The following MXI1 variants were observed in gnomAD, a reference collection of about 807,000 sequenced individuals.
MXI1 encodes MAX interactor 1, dimerization protein.
A neutral mutation model predicts 36.9 loss-of-function variants in MXI1; 18 were observed. That is an observed-to-expected ratio of 0.49 (90% CI 0.34 to 0.72). The LOEUF is 0.72. Ranked by LOEUF, MXI1 falls within the 30% of genes least tolerant of loss-of-function variation. The pLI is 0.01. For synonymous variants in MXI1, 160 were observed against 146.7 expected (o/e 1.09, Z -0.65); for missense variants, 304 against 379.1 (o/e 0.80, Z 1.64).
intron 3 of MXI1, among the ~76,000 whole-genome samples, chr10:110,268,602 G>T (rs1427178389): frequency 6.6e-6 from 1 of 152,098 alleles, no homozygotes; most frequent in Non-Finnish European, 1.5e-5. Context: ...ACCTAAAAGT[G>T]CTAATCTGTA....
chr10:110,255,833 T>C (rs1204733748), intron 3 of MXI1, among the ~76,000 whole-genome samples: 1 of 152,108 alleles, frequency 6.6e-6, no homozygotes, highest in Non-Finnish European at 1.5e-5. Flanking sequence ...ATATAATTCA[T>C]GTGAAAATGC....
At chr10:110,226,030 G>A (rs983126424) in intron 1 of MXI1, 3 of 951,012 alleles carry the variant, frequency 3.2e-6, no homozygotes, top group Non-Finnish European at 3.7e-6. Flanking sequence ...GCGGCACGGC[G>A]GGCGCGGCTG....
intron 3 of MXI1, among the ~76,000 whole-genome samples, chr10:110,255,934 T>A (rs1856273493): frequency 6.6e-6 from 1 of 152,192 alleles, no homozygotes; most frequent in Non-Finnish European, 1.5e-5. Context: ...AAAACTATAG[T>A]AATCAAGGCA....
At chr10:110,263,994 T>C (rs1856603560) in intron 3 of MXI1, among the ~76,000 whole-genome samples, 2 of 152,198 alleles carry the variant, frequency 1.3e-5, no homozygotes. Context: ...TAAATTTCCA[T>C]ACATGCTGCT....
At chr10:110,216,546 T>A (rs796402007) in intron 1 of MXI1, among the ~76,000 whole-genome samples, 4 of 152,254 alleles carry the variant, frequency 2.6e-5, no homozygotes, top group African/African-American at 7.2e-5. Flanking sequence ...CAGGATGGCA[T>A]TTGACTTGAG....
intron 1 of MXI1, chr10:110,227,631 A>C: frequency 9.5e-6 from 8 of 842,970 alleles, no homozygotes; most frequent in South Asian, 5.3e-5. Flanking sequence ...GCGGGGGAAA[A>C]CCGGTGGAGA....
Position 110,207,855 on chromosome 10 carries a change from C to G in MXI1, c.47C>G (p.Ala16Gly), listed in dbSNP as rs1026657935. The change falls in exon 1 of 6, where the codon GCG (alanine) becomes GGG (glycine). Residue 16 changes from alanine (A) to glycine (G), a missense_variant. Ala to Gly is a moderately conservative substitution (Grantham distance 60). This residue lies in a region of MXI1 where 179 missense variants were observed against 184.8 expected (regional missense o/e 0.97). Transcript: ENST00000332674. ...CGCAAGGAGGCGCGCTGCGAGGGCG[C>G]GGGGCTGGCCCCCGCCGCGCCCCCG... is the stretch of plus-strand genomic sequence containing the variant. ...RPRKEARCEG[A>G]GLAPAAPPAV... 1 of 1,158,676 alleles carries G rather than the reference C, an allele frequency of 8.6e-7. No homozygotes were observed. Among genetic ancestry groups the G allele is most frequent in the Non-Finnish European group, 1.1e-6 (1 of 941,044 alleles). 71.8% of individuals were successfully genotyped at this position (1,158,676 alleles called of 1,614,324 possible). A position where few individuals can be genotyped will look rare whatever the true frequency, so the allele number is the denominator to read the frequency against.
At chr10:110,257,777 G>A (rs549958872) in intron 3 of MXI1, 7 of 323,492 alleles carry the variant, frequency 2.2e-5, no homozygotes, top group South Asian at 1.4e-4. Flanking sequence ...CCAGAGACGC[G>A]TACTTTATAA....
chr10:110,216,773 C>G (rs1427461127), intron 1 of MXI1, among the ~76,000 whole-genome samples: 1 of 147,074 alleles, frequency 6.8e-6, no homozygotes, highest in Non-Finnish European at 1.5e-5. Context: ...CTCAAGTGAT[C>G]CTCCTGCCTC....
At chr10:110,272,190 A>G (rs955071534) in intron 3 of MXI1, among the ~76,000 whole-genome samples, 2 of 152,236 alleles carry the variant, frequency 1.3e-5, no homozygotes, top group East Asian at 1.9e-4. Flanking sequence ...GAGTGTCAAC[A>G]TGACTCTCAA....
chr10:110,267,811 A>G (rs1002830750), intron 3 of MXI1, among the ~76,000 whole-genome samples: 81 of 152,306 alleles, frequency 5.3e-4, no homozygotes, highest in African/African-American at 1.9e-3. Flanking sequence ...TGAATGAGGG[A>G]GCATGGGTTT....
At chr10:110,252,429 G>A (rs961710428) in intron 3 of MXI1, among the ~76,000 whole-genome samples, 5 of 152,012 alleles carry the variant, frequency 3.3e-5, no homozygotes, top group African/African-American at 9.7e-5. Context: ...TAAACACAGC[G>A]TGATCATTTC....
chr10:110,213,896 A>C (rs1402240847), intron 1 of MXI1, among the ~76,000 whole-genome samples: 1 of 152,264 alleles, frequency 6.6e-6, no homozygotes, highest in Non-Finnish European at 1.5e-5. Flanking sequence ...TGTATGGCAT[A>C]ATATCAATAA....
In MXI1 at chr10:110,279,348, T is replaced by C. The variant is rs1857152523; in HGVS notation, c.552+54T>C. 3.6e-6 allele frequency: 5 copies of C among 1,406,282 alleles called. No homozygotes were observed. In the African/African-American group the frequency reaches 5.7e-5, roughly 16 times the overall value. 87.1% of individuals were successfully genotyped at this position (1,406,282 alleles called of 1,614,324 possible). Reference sequence around the variant, plus strand: ...AATTCCCTCAGTTCTGGTTTAATTATTGGCACTGATTCCTATTCATATACA... The same window carrying C: ...AATTCCCTCAGTTCTGGTTTAATTACTGGCACTGATTCCTATTCATATACA... On this transcript the variant is annotated intron_variant, in intron 4 of 5. Transcript: ENST00000332674.
chr10:110,229,130 C>T (rs1186913888), intron 2 of MXI1, among the ~76,000 whole-genome samples: 2 of 152,196 alleles, frequency 1.3e-5, no homozygotes, highest in Non-Finnish European at 2.9e-5. Context: ...ATGTGGCTAT[C>T]TCTTCGGTGT....
intron 1 of MXI1, among the ~76,000 whole-genome samples, chr10:110,208,906 G>A (rs552735924): frequency 2.0e-5 from 3 of 152,272 alleles, no homozygotes; most frequent in South Asian, 4.1e-4. Flanking sequence ...GGGCTGTTCT[G>A]TGCTTTTTCT....
intron 1 of MXI1, among the ~76,000 whole-genome samples, chr10:110,224,029 A>T (rs1854890919): frequency 2.0e-5 from 3 of 152,172 alleles, no homozygotes; most frequent in African/African-American, 7.2e-5. Context: ...AAAAGGTATG[A>T]GGGAAAGGTA....
At chr10:110,228,969 C>T (rs770400972) in intron 2 of MXI1, among the ~76,000 whole-genome samples, 7 of 152,180 alleles carry the variant, frequency 4.6e-5, no homozygotes, top group African/African-American at 7.2e-5. Context: ...CCTGTAATTC[C>T]AGCACTTTGG....
At chr10:110,279,084 G>GAATAA in intron 3 of MXI1, 96 bp from the exon 4 acceptor site, 1 of 949,966 alleles carries the variant, frequency 1.1e-6, no homozygotes, top group Non-Finnish European at 1.6e-6. Flanking sequence ...CCTATAGGCT[G>GAATAA]AATAAATGCA....
Sources: gnomAD v4.1 joint callset for allele counts (sites outside exome capture counted in the v4.1 genomes callset) on GRCh38, gnomAD v4.1.1 for gene constraint, gnomAD v4.1.1 regional missense constraint, MANE v1.5 for transcripts, NCBI Gene and HGNC (gene_info 2026-07-23, HGNC 2026-07-21) for gene names.